CFAP61: variants seen among roughly 807,000 people sequenced by gnomAD.
The protein encoded by CFAP61 is cilia and flagella associated protein 61.
A neutral mutation model predicts 135.6 loss-of-function variants in CFAP61; 107 were observed. The observed-to-expected ratio is 0.79, with a 90% CI of 0.67 to 0.93. The LOEUF (loss-of-function observed/expected upper bound fraction) is 0.93, where lower values mean the gene tolerates loss of function less well. Ranked by LOEUF, CFAP61 falls within the 40% of genes least tolerant of loss-of-function variation. CFAP61 has a pLI of 0.00. For missense variants in CFAP61, 1,507 were observed against 1,556.2 expected, an observed-to-expected ratio of 0.97 and a Z score of 0.53; for synonymous variants, 575 against 578.5, an observed-to-expected ratio of 0.99 and a Z score of 0.09.
At chr20:20,252,333 A>C (rs1046106768) in intron 20 of CFAP61, among the ~76,000 whole-genome samples, 1 of 152,222 alleles carries the variant, frequency 6.6e-6, no homozygotes, top group Non-Finnish European at 1.5e-5. Context: ...TCAATGTCTT[A>C]GGGCAGCAGA....
At chr20:20,136,861 G>A (rs2050968994) in intron 8 of CFAP61, among the ~76,000 whole-genome samples, 1 of 152,188 alleles carries the variant, frequency 6.6e-6, no homozygotes, top group Admixed American at 6.5e-5. Context: ...TTGCAATCTG[G>A]ACTTGTTTGT....
chr20:20,132,941 A>G (rs528084659), intron 8 of CFAP61, among the ~76,000 whole-genome samples: 2 of 152,060 alleles, frequency 1.3e-5, no homozygotes, highest in Non-Finnish European at 2.9e-5. Flanking sequence ...TTTTTAATCT[A>G]GTGTCATAAT....
chr20:20,092,105 CA>C (rs1179735014), intron 7 of CFAP61, among the ~76,000 whole-genome samples: 1 of 152,204 alleles, frequency 6.6e-6, no homozygotes, highest in African/African-American at 2.4e-5. Flanking sequence ...TCTGTTTCTT[CA>C]GCCTTTTTAA....
intron 13 of CFAP61, among the ~76,000 whole-genome samples, chr20:20,185,373 C>T (rs1460408015): frequency 1.3e-5 from 2 of 152,196 alleles, no homozygotes; most frequent in African/African-American, 4.8e-5. Flanking sequence ...GCTGTTCCAG[C>T]AACCCAGGAG....
intron 25 of CFAP61, among the ~76,000 whole-genome samples, chr20:20,316,093 G>C (rs998607993): frequency 1.4e-4 from 22 of 151,884 alleles, no homozygotes; most frequent in Non-Finnish European, 2.4e-4. Flanking sequence ...TTGGTAGCTT[G>C]ATGGGGATGG....
chr20:20,176,921 A>C (rs548942578), intron 13 of CFAP61, among the ~76,000 whole-genome samples: 2 of 152,132 alleles, frequency 1.3e-5, no homozygotes, highest in Non-Finnish European at 2.9e-5. Flanking sequence ...TTCCAAATAC[A>C]GATTTTCTAT....
At chr20:20,296,090 T>C (rs796335026) in intron 24 of CFAP61, among the ~76,000 whole-genome samples, 4 of 25,922 alleles carry the variant, frequency 1.5e-4, no homozygotes, top group East Asian at 9.2e-4. Flanking sequence ...TTCTTCCTTC[T>C]TTCCTTCCTT....
rs770317029 is a variant in CFAP61, at chr20:20,298,358, G to A, written c.3394G>A (p.Asp1132Asn). 7.4e-6 allele frequency: 12 copies of A among 1,614,012 alleles called. No individual in the cohort carries two copies. Among genetic ancestry groups the A allele is most frequent in the Middle Eastern group, 3.3e-4 (2 of 6,084 alleles). Residue 1132 changes from aspartate (D) to asparagine (N), a missense_variant, in exon 25 of 27, where the codon GAT becomes AAT. Transcript: ENST00000245957. ...QLLNNLCARY[D>N]ENLITDLYSY... ...CCTCAACAACCTGTGTGCTCGGTAC[G>A]ATGAAAACCTGATCACAGATCTCTA...
chr20:20,309,025 T>G (rs2056652174), intron 25 of CFAP61, among the ~76,000 whole-genome samples: 1 of 152,184 alleles, frequency 6.6e-6, no homozygotes, highest in African/African-American at 2.4e-5. Flanking sequence ...TCAGAAATCA[T>G]GTTCTCATTC....
At chr20:20,304,704 A>G (rs1474177429) in intron 25 of CFAP61, among the ~76,000 whole-genome samples, 2 of 152,154 alleles carry the variant, frequency 1.3e-5, no homozygotes, top group Non-Finnish European at 2.9e-5. Flanking sequence ...TCCTCCCTTC[A>G]GGACACCGGG....
chr20:20,173,190 CTT>C (rs745537355), intron 13 of CFAP61, among the ~76,000 whole-genome samples: 21 of 152,284 alleles, frequency 1.4e-4, no homozygotes, highest in South Asian at 6.2e-4. Context: ...TGAAAAACCT[CTT>C]GTTTGCTTTC....
chr20:20,089,919 G>T (rs1412858364), intron 6 of CFAP61, among the ~76,000 whole-genome samples: 1 of 152,216 alleles, frequency 6.6e-6, no homozygotes, highest in Non-Finnish European at 1.5e-5. Flanking sequence ...AGGATGCCAT[G>T]GGCCAGTGTT....
chr20:20,240,989 C>T (rs955344420), intron 18 of CFAP61, among the ~76,000 whole-genome samples: 1 of 152,114 alleles, frequency 6.6e-6, no homozygotes, highest in Non-Finnish European at 1.5e-5. Flanking sequence ...GGTCATGGGC[C>T]CAGCTGCCTA....
chr20:20,301,980 G>T (rs1186638442), intron 25 of CFAP61, among the ~76,000 whole-genome samples: 1 of 152,024 alleles, frequency 6.6e-6, no homozygotes, highest in Non-Finnish European at 1.5e-5. Context: ...GATCAATTAG[G>T]CAAGAATTGA....
In CFAP61 at chr20:20,359,345, TTTTTTTTATTTTTAAA is replaced by T. The variant is rs1395345622; in HGVS notation, c.3514-848_3514-833del. Among the ~76,000 whole-genome samples the T allele has an allele frequency of 3.6e-5, 3 of 84,292 alleles. No homozygotes were observed. The highest frequency in any genetic ancestry group is 2.6e-4 in the East Asian group (1 of 3,906). 55.3% of individuals were successfully genotyped at this position (84,292 alleles called of 152,430 possible). Reference sequence around the variant, plus strand: ...TCAAGTAAAAAGGTTTAATCACTCCTTTTTTTTATTTTTAAATTTTTTTATTTTTAAAACAGAGGCA... The same window carrying T: ...TCAAGTAAAAAGGTTTAATCACTCCTTTTTTTTATTTTTAAAACAGAGGCA... On this transcript the variant is annotated intron_variant, in intron 26 of 26. Transcript: ENST00000245957. This position sits in a 1 kb window ranked among gnomAD's most constrained non-coding sequence, Gnocchi z 4.0.
intron 11 of CFAP61, 101 bp from the exon 12 acceptor site, chr20:20,166,296 T>A: frequency 1.1e-6 from 1 of 910,110 alleles, no homozygotes; most frequent in South Asian, 1.4e-5. Context: ...AGTGGTTGGC[T>A]AATCGCTGCC....
chr20:20,256,400 CCACACACACACACACACACA>C (rs35783358), intron 20 of CFAP61, among the ~76,000 whole-genome samples: 1 of 148,674 alleles, frequency 6.7e-6, no homozygotes, highest in Admixed American at 6.7e-5. Flanking sequence ...AAAATTTAGG[CCACACACACACACACACACA>C]CACACACACA....
intron 2 of CFAP61, among the ~76,000 whole-genome samples, chr20:20,065,434 A>C (rs569199489): frequency 1.1e-4 from 17 of 152,230 alleles, no homozygotes; most frequent in Admixed American, 9.2e-4. Flanking sequence ...AAAGGTTGCA[A>C]CCTATCTTAG....
intron 17 of CFAP61, among the ~76,000 whole-genome samples, chr20:20,204,211 A>G (rs1051338721): frequency 6.6e-6 from 1 of 152,176 alleles, no homozygotes; most frequent in Non-Finnish European, 1.5e-5. Flanking sequence ...GAGCAATCAT[A>G]CTTTCAGAGT....
Sources: allele counts gnomAD v4.1 joint callset (sites outside exome capture counted in the v4.1 genomes callset), GRCh38; gene constraint gnomAD v4.1.1; non-coding constraint Gnocchi (gnomAD v3.1); transcripts MANE v1.5; gene names NCBI Gene and HGNC (gene_info 2026-07-23, HGNC 2026-07-21).